The following ITGA1 variants were observed in gnomAD, a reference collection of about 807,000 sequenced individuals.
ITGA1 encodes integrin alpha-1.
A neutral mutation model predicts 145.9 loss-of-function variants in ITGA1; 85 were observed. The observed-to-expected ratio is 0.58, with a 90% CI of 0.49 to 0.70. The LOEUF is 0.70. ITGA1 is among the 30% of genes least tolerant of loss of function. ITGA1 has a pLI of 0.00. For missense variants in ITGA1, 1,351 were observed against 1,418.7 expected (o/e 0.95, Z 0.77); for synonymous variants, 520 against 495.3 (o/e 1.05, Z -0.66).
rs61600951 is a variant in ITGA1, at chr5:52,812,789, C to CT, written c.61+24403dup. 6.6e-3 allele frequency among the ~76,000 whole-genome samples: 567 copies of CT among 86,094 alleles called. 81 individuals are homozygous for CT. Among genetic ancestry groups the CT allele is most frequent in the African/African-American group, 8.7e-3 (175 of 20,116 alleles). 56.5% of individuals were successfully genotyped at this position (86,094 alleles called of 152,430 possible). On this transcript the variant is annotated intron_variant, in intron 1 of 28. Coordinates refer to ENST00000282588, the MANE Select transcript of ITGA1 (RefSeq NM_181501.2). ...AAGTTCATTTTGTTCCTTCTTATCG[C>CT]TTTTTTTTTTTTTTTTTTTTTTTTT...
chr5:52,812,774 T>G (rs1748701856), intron 1 of ITGA1, among the ~76,000 whole-genome samples: 1 of 151,332 alleles, frequency 6.6e-6, no homozygotes, highest in East Asian at 1.9e-4. Flanking sequence ...AAGTTCATTT[T>G]GTTCCTTCTT....
At chr5:52,922,450 G>T (rs756140859) in intron 17 of ITGA1, among the ~76,000 whole-genome samples, 1 of 152,150 alleles carries the variant, frequency 6.6e-6, no homozygotes, top group Non-Finnish European at 1.5e-5. Flanking sequence ...TTGGCTTGAG[G>T]TCTCAAGAAA....
At chr5:52,919,006 C>A in intron 16 of ITGA1, 108 bp downstream of exon 16, 2 of 945,506 alleles carry the variant, frequency 2.1e-6, no homozygotes, top group South Asian at 2.3e-5. Flanking sequence ...GTGAGCTGCA[C>A]GTCATATTTG....
intron 1 of ITGA1, among the ~76,000 whole-genome samples, chr5:52,835,426 T>A (rs1749147802): frequency 1.3e-5 from 2 of 152,156 alleles, no homozygotes; most frequent in Admixed American, 1.3e-4. Context: ...TTCACCAGGC[T>A]AAGAATTGAA....
rs111649293 is a variant in ITGA1 at position 52,872,513 on chromosome 5, T to G, written c.624+6696T>G. Among the ~76,000 whole-genome samples the G allele has an allele frequency of 6.0e-3, 913 of 151,220 alleles. 8 individuals are homozygous for G. The highest frequency in any genetic ancestry group is 0.029 in the South Asian group (139 of 4,772). On this transcript the variant is annotated intron_variant, in intron 6 of 28. Transcript: ENST00000282588. ...AAGCTCTCTAGTGGACTAACTGGCATCTGACCACCTGGCCCAGCCATTTCT... is the reference window on the plus strand; with the variant it reads ...AAGCTCTCTAGTGGACTAACTGGCAGCTGACCACCTGGCCCAGCCATTTCT...
chr5:52,835,472 G>A (rs1011006366), intron 1 of ITGA1, among the ~76,000 whole-genome samples: 1 of 152,272 alleles, frequency 6.6e-6, no homozygotes, highest in Middle Eastern at 3.4e-3. Flanking sequence ...AACTTTAGCA[G>A]AAGTTCGATT....
At chr5:52,879,437 A>G (rs1410776362) in intron 6 of ITGA1, among the ~76,000 whole-genome samples, 1 of 152,208 alleles carries the variant, frequency 6.6e-6, no homozygotes, top group Non-Finnish European at 1.5e-5. Flanking sequence ...TTATCCAAGT[A>G]ACAAAACCAT....
At chr5:52,880,249 G>A (rs1749936769) in intron 6 of ITGA1, among the ~76,000 whole-genome samples, 1 of 142,078 alleles carries the variant, frequency 7.0e-6, no homozygotes, top group Non-Finnish European at 1.6e-5. Flanking sequence ...TTTCAACTCA[G>A]TTTCCTCACT....
intron 20 of ITGA1, among the ~76,000 whole-genome samples, chr5:52,928,011 C>A (rs1449935580): frequency 6.6e-6 from 1 of 152,162 alleles, no homozygotes; most frequent in Non-Finnish European, 1.5e-5. Context: ...CAGGTGCCAT[C>A]TATGAGAACT....
intron 1 of ITGA1, among the ~76,000 whole-genome samples, chr5:52,812,871 T>A (rs1055303459): frequency 1.0e-4 from 14 of 135,092 alleles, no homozygotes; most frequent in Non-Finnish European, 1.5e-4. Flanking sequence ...ATGCAGAAGA[T>A]CTGCCTCATG....
At chr5:52,875,746 C>G (rs1177986623) in intron 6 of ITGA1, among the ~76,000 whole-genome samples, 5 of 152,166 alleles carry the variant, frequency 3.3e-5, no homozygotes, top group African/African-American at 9.7e-5. Context: ...CCCTGCATAC[C>G]CATTTCTATT....
chr5:52,806,639 T>A (rs1748592619), intron 1 of ITGA1, among the ~76,000 whole-genome samples: 1 of 152,134 alleles, frequency 6.6e-6, no homozygotes, highest in Non-Finnish European at 1.5e-5. Flanking sequence ...TGTATTCTCA[T>A]CCACATGTTA....
rs1340588289 is a variant in ITGA1, at chr5:52,788,013, G to T, written c.-341G>T. The T allele has an allele frequency of 3.6e-5, 10 of 279,916 alleles. No individual in the cohort carries two copies. The highest frequency in any genetic ancestry group is 6.0e-5 in the Non-Finnish European group (9 of 150,056). 17.3% of individuals were successfully genotyped at this position (279,916 alleles called of 1,614,324 possible). On this transcript the variant is annotated 5_prime_UTR_variant, in exon 1 of 29. Coordinates refer to ENST00000282588, the MANE Select transcript of ITGA1 (RefSeq NM_181501.2). ...CCTTTAAGGTTTGCTTCTACAGCCC[G>T]TGGACTTTAGCCTAAACACGGACCC... is the stretch of plus-strand genomic sequence containing the variant.
In ITGA1 at chr5:52,920,400, G is replaced by C; in HGVS notation, c.2224G>C (p.Glu742Gln). ...ACGAAGTTTTTTCTCTGGAACTCAA[G>C]AGAGAAAGGTTCAAAGGAACATCAC... Reference protein sequence around the residue: ...ISRSFFSGTQERKVQRNITVR... With the variant: ...ISRSFFSGTQQRKVQRNITVR... Residue 742 changes from glutamate (E) to glutamine (Q), a missense_variant, in exon 17 of 29, where the codon GAG becomes CAG. Transcript: ENST00000282588. 1 of 1,612,396 alleles carries C rather than the reference G, an allele frequency of 6.2e-7. No individual in the cohort carries two copies. The highest frequency in any genetic ancestry group is 8.5e-7 in the Non-Finnish European group (1 of 1,179,176).
At chr5:52,812,106 A>G (rs1342737609) in intron 1 of ITGA1, among the ~76,000 whole-genome samples, 1 of 152,236 alleles carries the variant, frequency 6.6e-6, no homozygotes, top group Non-Finnish European at 1.5e-5. Context: ...CTCTCTGGTT[A>G]AGAAAAGAGA....
chr5:52,793,361 A>G (rs536141546), intron 1 of ITGA1, among the ~76,000 whole-genome samples: 16 of 152,172 alleles, frequency 1.1e-4, no homozygotes, highest in African/African-American at 3.6e-4. Context: ...GCCTTATTTT[A>G]TTATACCTCT....
At chr5:52,880,917 G>A (rs563971781) in intron 6 of ITGA1, among the ~76,000 whole-genome samples, 99 of 152,290 alleles carry the variant, frequency 6.5e-4, no homozygotes, top group Non-Finnish European at 1.2e-3. Flanking sequence ...AAAAGTGTAG[G>A]AGAGATAGCC....
At chr5:52,813,713 T>C (rs1748718832) in intron 1 of ITGA1, among the ~76,000 whole-genome samples, 1 of 152,200 alleles carries the variant, frequency 6.6e-6, no homozygotes. Context: ...CATGCCCACA[T>C]TCTATGAACC....
chr5:52,798,609 G>T (rs926817736), intron 1 of ITGA1, among the ~76,000 whole-genome samples: 1 of 152,154 alleles, frequency 6.6e-6, no homozygotes, highest in African/African-American at 2.4e-5. Flanking sequence ...GTTTTCATGT[G>T]AGAGGGTAGC....
Sources: allele counts gnomAD v4.1 joint callset (sites outside exome capture counted in the v4.1 genomes callset), GRCh38; gene constraint gnomAD v4.1.1; transcripts MANE v1.5; gene names NCBI Gene and HGNC (gene_info 2026-07-23, HGNC 2026-07-21).